DNAH7: variants seen among roughly 807,000 people sequenced by gnomAD.
DNAH7 encodes the protein dynein axonemal heavy chain 7, also known as axonemal beta dynein heavy chain 7.
In DNAH7, 397 loss-of-function variants were observed where a neutral mutation model predicts 444.6. The observed-to-expected ratio is 0.89, with a 90% CI of 0.82 to 0.97. The LOEUF (loss-of-function observed/expected upper bound fraction) is 0.97, where lower values mean the gene tolerates loss of function less well. DNAH7 is among the 50% of genes least tolerant of loss of function. The pLI, the probability that DNAH7 is intolerant of heterozygous loss-of-function variation, is 0.00. For synonymous variants in DNAH7, 1,636 were observed against 1,624.4 expected (o/e 1.01, Z -0.17); for missense variants, 4,902 against 4,800.8 (o/e 1.02, Z -0.62).
intron 12 of DNAH7, 121 bp downstream of exon 12, chr2:196,000,583 C>T: frequency 2.3e-6 from 2 of 883,326 alleles, no homozygotes; most frequent in Non-Finnish European, 3.2e-6. Context: ...GGAAAACTTT[C>T]TTATAAGCCA....
chr2:196,017,594 CA>C, intron 9 of DNAH7, among the ~76,000 whole-genome samples: 1 of 151,778 alleles, frequency 6.6e-6, no homozygotes, highest in East Asian at 1.9e-4. Flanking sequence ...TCAAATATTA[CA>C]AGAAAAAAAT....
At chr2:195,926,856 T>A (rs1688366582) in intron 21 of DNAH7, among the ~76,000 whole-genome samples, 1 of 151,998 alleles carries the variant, frequency 6.6e-6, no homozygotes, top group South Asian at 2.1e-4. Flanking sequence ...GCCAAAGACA[T>A]CCTAGATACA....
rs776007882 is a variant in DNAH7 at position 195,872,484 on chromosome 2, A to T, written c.6414-15T>A. On this transcript the variant is annotated splice_polypyrimidine_tract_variant and intron_variant, in intron 39 of 64. Transcript: ENST00000312428. ...GAAATTTATAACTTAAAAATTTTTT[A>T]AATAAAAAGAAAGGAAAATGTTAGC... The T allele has an allele frequency of 2.5e-4, 381 of 1,523,290 alleles. 1 individual carries two copies. The Middle Eastern group carries it at 3.3e-3, about 13-fold the overall frequency. The allele number at this position is 1,523,290 out of a possible 1,614,324, so 94.4% of individuals were successfully genotyped here.
chr2:196,033,246 T>C (rs1371078551), intron 5 of DNAH7, among the ~76,000 whole-genome samples: 1 of 152,214 alleles, frequency 6.6e-6, no homozygotes, highest in African/African-American at 2.4e-5. Context: ...ATTAATACAA[T>C]GTGGAATAAT....
chr2:195,884,047 T>C (rs1005688221), intron 35 of DNAH7, among the ~76,000 whole-genome samples: 3 of 152,212 alleles, frequency 2.0e-5, no homozygotes, highest in African/African-American at 7.2e-5. Context: ...ATGATCCCAA[T>C]TGTACTTAAA....
intron 16 of DNAH7, among the ~76,000 whole-genome samples, chr2:195,970,502 G>GA (rs1264001123): frequency 2.0e-5 from 3 of 151,856 alleles, no homozygotes; most frequent in Admixed American, 6.6e-5. Flanking sequence ...TTTATAAACT[G>GA]AAAAAAACGG....
intron 57 of DNAH7, among the ~76,000 whole-genome samples, chr2:195,789,013 C>T (rs1695751851): frequency 6.6e-6 from 1 of 152,112 alleles, no homozygotes; most frequent in Non-Finnish European, 1.5e-5. Flanking sequence ...ACACCCAAAC[C>T]ATGCTCTCTA....
chr2:195,751,761 C>T (rs758953170), intron 63 of DNAH7, among the ~76,000 whole-genome samples: 25 of 152,246 alleles, frequency 1.6e-4, no homozygotes, highest in Non-Finnish European at 3.1e-4. Context: ...CTAGAACACG[C>T]CTGGCCTCAT....
At position 196,062,197 on chromosome 2, in the gene DNAH7, A is replaced by C. The variant is rs558700654; in HGVS notation, c.16-4081T>G. Among the ~76,000 whole-genome samples the C allele has an allele frequency of 2.6e-5, 4 of 152,310 alleles. No individual in the cohort carries two copies. The South Asian group carries it at 8.3e-4, about 32-fold the overall frequency. On this transcript the variant is annotated intron_variant, in intron 1 of 64. Coordinates refer to ENST00000312428, the MANE Select transcript of DNAH7 (RefSeq NM_018897.3). ...CTCCTATATTTCTTTGTTTTGACTG[A>C]GACCTCTAATATCTAAGCTCCTTCT...
chr2:196,001,718 A>G lies in DNAH7; in HGVS notation c.1130T>C (p.Leu377Ser), dbSNP rs766264871. ...GTCCGTGAAATCTTGCATGGAGACT[A>G]AAGTGAGGTCCTGCAGCTGTAAAGT... The part of the protein sequence containing the change: ...LMTLQLQDLT[L>S]VSMQDFTDLI... The change falls in exon 11 of 65, where the codon TTA becomes TCA. Residue 377 changes from leucine (L) to serine (S), a missense_variant. Leu to Ser is a moderately radical substitution (Grantham distance 145). Transcript: ENST00000312428. 1 of 1,598,538 alleles carries G rather than the reference A, an allele frequency of 6.3e-7. No homozygotes were observed. The highest frequency in any genetic ancestry group is 8.5e-7 in the Non-Finnish European group (1 of 1,172,854).
chr2:195,818,223 C>A (rs1249046732), intron 49 of DNAH7, among the ~76,000 whole-genome samples: 1 of 152,134 alleles, frequency 6.6e-6, no homozygotes, highest in African/African-American at 2.4e-5. Flanking sequence ...ATAGTTGGAC[C>A]AGCTGATTTA....
At chr2:195,867,176 T>C (rs920658682) in intron 40 of DNAH7, among the ~76,000 whole-genome samples, 15 of 152,308 alleles carry the variant, frequency 9.8e-5, no homozygotes, top group African/African-American at 3.6e-4. Context: ...TATACATCCA[T>C]GTAACCACCA....
At chr2:195,852,625 A>T (rs947974399) in intron 46 of DNAH7, among the ~76,000 whole-genome samples, 5 of 152,190 alleles carry the variant, frequency 3.3e-5, no homozygotes, top group African/African-American at 1.2e-4. Flanking sequence ...CTCATTCAGT[A>T]AAAACTAAAA....
intron 50 of DNAH7, 57 bp from the exon 51 acceptor site, chr2:195,817,020 G>A (rs535401173): frequency 9.9e-5 from 125 of 1,266,552 alleles, no homozygotes; most frequent in African/African-American, 8.0e-4. Flanking sequence ...ATCATTTCAC[G>A]TATATGTTCT....
intron 46 of DNAH7, among the ~76,000 whole-genome samples, chr2:195,845,648 T>C (rs1426511445): frequency 6.6e-6 from 1 of 152,204 alleles, no homozygotes; most frequent in African/African-American, 2.4e-5. Context: ...AACAGCATGA[T>C]ACTGGTGCAA....
At chr2:195,799,262 A>G in intron 55 of DNAH7, 34 bp downstream of exon 55, 2 of 1,439,778 alleles carry the variant, frequency 1.4e-6, no homozygotes, top group South Asian at 1.6e-5. Flanking sequence ...CTTTTTTAAA[A>G]TAATATCCGA....
intron 24 of DNAH7, among the ~76,000 whole-genome samples, chr2:195,921,090 G>A (rs1204094849): frequency 1.3e-5 from 2 of 152,056 alleles, no homozygotes; most frequent in African/African-American, 4.8e-5. Flanking sequence ...TAGTGAAAGG[G>A]GAACACTTTT....
At chr2:196,043,706 A>C (rs1290331064) in intron 5 of DNAH7, among the ~76,000 whole-genome samples, 1 of 152,078 alleles carries the variant, frequency 6.6e-6, no homozygotes, top group Non-Finnish European at 1.5e-5. Context: ...AACTCAAAAA[A>C]TCAGGAAGAA....
At chr2:195,881,676 C>A (rs1237250232) in intron 36 of DNAH7, 119 bp downstream of exon 36, 3 of 1,058,696 alleles carry the variant, frequency 2.8e-6, no homozygotes, top group Non-Finnish European at 4.0e-6. Flanking sequence ...TTCAAAAATT[C>A]TCTGCAGTTC....
Sources: gnomAD v4.1 joint callset for allele counts (sites outside exome capture counted in the v4.1 genomes callset) on GRCh38, gnomAD v4.1.1 for gene constraint, MANE v1.5 for transcripts, NCBI Gene and HGNC (gene_info 2026-07-23, HGNC 2026-07-21) for gene names.